Variants in ZNRF1 observed in about 807,000 individuals in gnomAD.
ZNRF1 encodes zinc and ring finger 1, also known as E3 ubiquitin-protein ligase ZNRF1.
A neutral mutation model predicts 18.4 loss-of-function variants in ZNRF1; 3 were observed. The observed-to-expected ratio is 0.16, with a 90% CI of 0.07 to 0.42. The LOEUF is 0.42. Among genes scored for constraint, ZNRF1 ranks in the 10% least tolerant of loss-of-function variants. The pLI is 0.99. For missense variants in ZNRF1, 310 were observed against 329.8 expected (o/e 0.94, Z 0.47); for synonymous variants, 157 against 144.2 (o/e 1.09, Z -0.64).
intron 1 of ZNRF1, among the ~76,000 whole-genome samples, chr16:75,038,929 T>C (rs2035407402): frequency 6.6e-6 from 1 of 152,210 alleles, no homozygotes; most frequent in African/African-American, 2.4e-5. Context: ...ACAGTGATGT[T>C]GAGTACTATT....
intron 4 of ZNRF1, chr16:75,107,260 C>G (rs1029907243): frequency 3.1e-5 from 6 of 193,014 alleles, no homozygotes; most frequent in African/African-American, 1.4e-4. Flanking sequence ...TCTCACCTGT[C>G]CCCTCCAAGT....
intron 1 of ZNRF1, among the ~76,000 whole-genome samples, chr16:75,022,498 G>A (rs1203020047): frequency 6.6e-6 from 1 of 151,736 alleles, no homozygotes; most frequent in Non-Finnish European, 1.5e-5. Flanking sequence ...CCCGGGAGGC[G>A]GAGCTTGCAG....
intron 1 of ZNRF1, among the ~76,000 whole-genome samples, chr16:75,057,051 T>G (rs1340844025): frequency 1.3e-5 from 2 of 152,328 alleles, no homozygotes; most frequent in Middle Eastern, 3.4e-3. Flanking sequence ...CTTGTTTTGA[T>G]GGACATTTCT....
intron 3 of ZNRF1, chr16:75,106,187 G>T: frequency 2.6e-6 from 1 of 377,996 alleles, no homozygotes; most frequent in Non-Finnish European, 5.0e-6. Context: ...CCATTCTCCT[G>T]GGCTCTGCAC....
intron 1 of ZNRF1, among the ~76,000 whole-genome samples, chr16:75,072,999 TGAG>T (rs1035523849): frequency 2.6e-5 from 4 of 152,074 alleles, no homozygotes; most frequent in Non-Finnish European, 4.4e-5. Context: ...TTTAAAAAAT[TGAG>T]GGGCCAGGCA....
chr16:75,105,437 T>A (rs59018362), intron 3 of ZNRF1: 3 of 153,416 alleles, frequency 2.0e-5, no homozygotes, highest in African/African-American at 7.2e-5. Context: ...AGCCTCGTCC[T>A]TGTTTCCAGC....
intron 1 of ZNRF1, among the ~76,000 whole-genome samples, chr16:75,037,116 C>T (rs1197824838): frequency 2.6e-5 from 4 of 152,130 alleles, no homozygotes; most frequent in Non-Finnish European, 4.4e-5. Context: ...TTCAATCTGT[C>T]GATTCCAGCA....
rs779448340 is a variant in ZNRF1 at position 75,062,706 on chromosome 16, A to G, written c.425-30866A>G. Among the ~76,000 whole-genome samples the G allele has an allele frequency of 3.3e-5, 5 of 152,184 alleles. No homozygotes were observed. In the South Asian group the frequency reaches 6.2e-4, roughly 19 times the overall value. Reference sequence around the variant, plus strand: ...GCCACTGTGGGTAATGGAGGCTCATATGGGGTGGGGCTGGTGCTTGCTAGG... The same window carrying G: ...GCCACTGTGGGTAATGGAGGCTCATGTGGGGTGGGGCTGGTGCTTGCTAGG... On this transcript the variant is annotated intron_variant, in intron 1 of 4. Coordinates refer to ENST00000335325, the MANE Select transcript of ZNRF1 (RefSeq NM_032268.5).
At chr16:75,050,395 G>A (rs906315370) in intron 1 of ZNRF1, among the ~76,000 whole-genome samples, 3 of 151,732 alleles carry the variant, frequency 2.0e-5, no homozygotes, top group African/African-American at 4.8e-5. Context: ...GCGTGGTGGT[G>A]CACACCTGTA....
intron 1 of ZNRF1, among the ~76,000 whole-genome samples, chr16:75,026,743 C>A (rs553606029): frequency 6.6e-6 from 1 of 151,666 alleles, no homozygotes; most frequent in Admixed American, 6.6e-5. Flanking sequence ...CGAGACCAGC[C>A]TGGCCAACGT....
chr16:74,999,201 C>T lies in ZNRF1; in HGVS notation c.-471C>T, dbSNP rs936957196. On this transcript the variant is annotated 5_prime_UTR_variant, in exon 1 of 5. Transcript: ENST00000335325. ...CGCCCGAGGCCTGGAGGGGTCCGGG[C>T]CGCCGTCCATGGTCGCGGCGTCCTG... 2.0e-4 allele frequency: 29 copies of T among 147,048 alleles called. No homozygotes were observed. The highest frequency in any genetic ancestry group is 6.8e-4 in the African/African-American group (28 of 40,910). The allele number at this position is 147,048 out of a possible 1,614,324, so 9.1% of individuals were successfully genotyped here.
At chr16:75,104,754 C>G (rs1480207742) in intron 2 of ZNRF1, 30 bp from the exon 3 acceptor site, 2 of 1,564,880 alleles carry the variant, frequency 1.3e-6, no homozygotes, top group Non-Finnish European at 1.7e-6. Flanking sequence ...GTGACTAACC[C>G]TCCTGCACTC....
At chr16:75,025,987 T>C (rs983398240) in intron 1 of ZNRF1, among the ~76,000 whole-genome samples, 1 of 152,124 alleles carries the variant, frequency 6.6e-6, no homozygotes, top group Non-Finnish European at 1.5e-5. Flanking sequence ...ACAGAAACCG[T>C]TAAATAGGCA....
rs369057684 is a variant in ZNRF1 at position 75,045,797 on chromosome 16, T to C, written c.424+45702T>C. 5.3e-5 allele frequency among the ~76,000 whole-genome samples: 8 copies of C among 150,848 alleles called. No homozygotes were observed. The East Asian group carries it at 1.4e-3, about 26-fold the overall frequency. ...GTGGCATGATCATGGCTCACTGCAG[T>C]CTCGAATTCCTGGGCTCAAGTGATC... On this transcript the variant is annotated intron_variant, in intron 1 of 4. Coordinates refer to ENST00000335325, the MANE Select transcript of ZNRF1 (RefSeq NM_032268.5).
chr16:75,033,538 C>G (rs1460866107), intron 1 of ZNRF1, among the ~76,000 whole-genome samples: 1 of 148,612 alleles, frequency 6.7e-6, no homozygotes, highest in East Asian at 2.0e-4. Flanking sequence ...CTCCCAAGTT[C>G]AAGTGATTCT....
In ZNRF1 at chr16:75,081,294, C is replaced by A. The variant is rs533702785; in HGVS notation, c.425-12278C>A. On this transcript the variant is annotated intron_variant, in intron 1 of 4. Transcript: ENST00000335325. ...TTCTAGGAAGGTCTTCTGAGGGCAC[C>A]TGCCAAGAGCGAAGCCTGACCTGCA... is the stretch of plus-strand genomic sequence containing the variant. Among the ~76,000 whole-genome samples the A allele has an allele frequency of 1.6e-4, 25 of 152,336 alleles. No individual in the cohort carries two copies. The South Asian group carries it at 5.2e-3, about 32-fold the overall frequency.
chr16:75,104,347 G>T (rs1484350340), intron 2 of ZNRF1: 2 of 157,452 alleles, frequency 1.3e-5, no homozygotes, highest in East Asian at 1.9e-4. Flanking sequence ...TTTTCTTGGG[G>T]ACCTGTTTCT....
chr16:75,010,279 G>A (rs1000641141), intron 1 of ZNRF1, among the ~76,000 whole-genome samples: 2 of 152,078 alleles, frequency 1.3e-5, no homozygotes, highest in South Asian at 2.1e-4. Context: ...CACCACACCC[G>A]GCCTGGGTTG....
chr16:75,049,392 T>C (rs2035560534), intron 1 of ZNRF1, among the ~76,000 whole-genome samples: 1 of 151,730 alleles, frequency 6.6e-6, no homozygotes, highest in African/African-American at 2.4e-5. Flanking sequence ...AGTAGCACGA[T>C]CATAGCTTAC....
Sources: gnomAD v4.1 joint callset for allele counts (sites outside exome capture counted in the v4.1 genomes callset) on GRCh38, gnomAD v4.1.1 for gene constraint, MANE v1.5 for transcripts, NCBI Gene and HGNC (gene_info 2026-07-23, HGNC 2026-07-21) for gene names.